The following DSCAM variants were observed in gnomAD, a reference collection of about 807,000 sequenced individuals.
DSCAM encodes the protein cell adhesion molecule DSCAM.
In DSCAM, 47 loss-of-function variants were observed where a neutral mutation model predicts 217.7. The ratio of observed to expected loss-of-function variants is 0.22; its 90% CI spans 0.17 to 0.28. The LOEUF (loss-of-function observed/expected upper bound fraction) is 0.28. Ranked by LOEUF, DSCAM falls within the 10% of genes least tolerant of loss-of-function variation. The pLI, the probability that DSCAM is intolerant of heterozygous loss-of-function variation, is 1.00. For synonymous variants in DSCAM, 1,056 were observed against 1,015.3 expected, an observed-to-expected ratio of 1.04 and a Z score of -0.76; for missense variants, 2,080 against 2,618.3, an observed-to-expected ratio of 0.79 and a Z score of 4.49.
At chr21:40,692,329 C>T (rs1056004273) in intron 3 of DSCAM, among the ~76,000 whole-genome samples, 4 of 152,132 alleles carry the variant, frequency 2.6e-5, no homozygotes, top group Non-Finnish European at 5.9e-5. Context: ...CATTTCATTG[C>T]TACATATATA....
rs570480810 is a variant in DSCAM, at chr21:40,769,990, G to A, written c.44-61219C>T. Among the ~76,000 whole-genome samples the A allele has an allele frequency of 3.9e-5, 6 of 152,086 alleles. No individual in the cohort carries two copies. The South Asian group carries it at 8.3e-4, about 21-fold the overall frequency. ...TTTGGAATTGTGCCCAATCTCTCTC[G>A]CCCACTTCAAAATGCAATTGCAGGG... On this transcript the variant is annotated intron_variant, in intron 1 of 32. Coordinates refer to ENST00000400454, the MANE Select transcript of DSCAM (RefSeq NM_001389.5).
intron 32 of DSCAM, among the ~76,000 whole-genome samples, chr21:40,035,762 G>T (rs1047627654): frequency 3.4e-5 from 5 of 149,246 alleles, no homozygotes; most frequent in African/African-American, 1.3e-4. Flanking sequence ...CACATACTTG[G>T]AAGTAAAGCT....
chr21:40,019,816 G>A (rs1293494916), intron 32 of DSCAM, among the ~76,000 whole-genome samples: 1 of 152,164 alleles, frequency 6.6e-6, no homozygotes, highest in Non-Finnish European at 1.5e-5. Context: ...AGTAAAACCA[G>A]CTATGACAAA....
intron 3 of DSCAM, among the ~76,000 whole-genome samples, chr21:40,652,738 C>T (rs2090031373): frequency 6.6e-6 from 1 of 152,216 alleles, no homozygotes; most frequent in Non-Finnish European, 1.5e-5. Flanking sequence ...AACCTCTAAG[C>T]TGTTGCAATT....
intron 1 of DSCAM, among the ~76,000 whole-genome samples, chr21:40,781,684 A>C (rs2091545544): frequency 6.6e-6 from 1 of 152,122 alleles, no homozygotes; most frequent in Non-Finnish European, 1.5e-5. Context: ...TCACGCTGTG[A>C]GCTAATTAAC....
At chr21:40,577,660 A>AGG (rs920066654) in intron 3 of DSCAM, among the ~76,000 whole-genome samples, 3 of 152,194 alleles carry the variant, frequency 2.0e-5, no homozygotes, top group Non-Finnish European at 4.4e-5. Flanking sequence ...GCCCTGAAGA[A>AGG]GGGGGTAGAT....
At chr21:40,105,829 A>G (rs2089812517) in intron 20 of DSCAM, among the ~76,000 whole-genome samples, 2 of 152,212 alleles carry the variant, frequency 1.3e-5, no homozygotes, top group African/African-American at 4.8e-5. Context: ...AACTGAGAAG[A>G]TTTAGAACCA....
intron 2 of DSCAM, among the ~76,000 whole-genome samples, chr21:40,696,767 TTTTA>T (rs2090600317): frequency 6.6e-6 from 1 of 152,160 alleles, no homozygotes; most frequent in Non-Finnish European, 1.5e-5. Context: ...CTATTTATTT[TTTTA>T]ATCAAATATT....
chr21:40,550,288 G>A (rs1313136328), intron 3 of DSCAM, among the ~76,000 whole-genome samples: 1 of 152,194 alleles, frequency 6.6e-6, no homozygotes, highest in Non-Finnish European at 1.5e-5. Flanking sequence ...ACTTTGGGAG[G>A]CGGAGGTGGG....
intron 3 of DSCAM, among the ~76,000 whole-genome samples, chr21:40,483,952 T>G (rs1364527903): frequency 3.9e-5 from 6 of 152,214 alleles, no homozygotes; most frequent in Non-Finnish European, 5.9e-5. Flanking sequence ...GTATTTTTAA[T>G]TTTTCTGAGA....
At chr21:40,236,352 G>A (rs7282510) in intron 11 of DSCAM, among the ~76,000 whole-genome samples, 72,324 of 151,996 alleles carry the variant, frequency 0.48, 18,021 homozygotes, top group African/African-American at 0.63. Flanking sequence ...CACGCTCACC[G>A]TGTTGTAAGG....
chr21:40,026,174 G>A lies in DSCAM; in HGVS notation c.5687-12788C>T, dbSNP rs1393670995. Among the ~76,000 whole-genome samples the A allele has an allele frequency of 4.2e-5, 6 of 141,656 alleles. 1 individual carries two copies. The highest frequency in any genetic ancestry group is 1.5e-4 in the African/African-American group (6 of 39,680). 92.9% of individuals were successfully genotyped at this position (141,656 alleles called of 152,430 possible). A position where few individuals can be genotyped will look rare whatever the true frequency, so the allele number is the denominator to read the frequency against. ...CAGGTTGTTCAGTTTCCATGTAGTTGAGCGATTTTGAGTGAGATTCTTAAT... is the reference window on the plus strand; with the variant it reads ...CAGGTTGTTCAGTTTCCATGTAGTTAAGCGATTTTGAGTGAGATTCTTAAT... On this transcript the variant is annotated intron_variant, in intron 32 of 32. Coordinates refer to ENST00000400454, the MANE Select transcript of DSCAM (RefSeq NM_001389.5).
At chr21:40,843,368 ATGTGTGTG>A (rs36229663) in intron 1 of DSCAM, among the ~76,000 whole-genome samples, 15,729 of 146,048 alleles carry the variant, frequency 0.11, 1,215 homozygotes, top group East Asian at 0.26. Flanking sequence ...GAATGCATGC[ATGTGTGTG>A]TGTGTGTGTG....
At chr21:40,043,397 G>C (rs994208742) in intron 31 of DSCAM, among the ~76,000 whole-genome samples, 4 of 152,172 alleles carry the variant, frequency 2.6e-5, no homozygotes, top group African/African-American at 9.7e-5. Flanking sequence ...ACATGGCGAT[G>C]ATCCTCCTCT....
chr21:40,421,464 G>T (rs2075423328), intron 3 of DSCAM, among the ~76,000 whole-genome samples: 1 of 152,228 alleles, frequency 6.6e-6, no homozygotes, highest in East Asian at 1.9e-4. Context: ...GCTCCTTTTT[G>T]AAGAATTACA....
chr21:40,254,403 A>G (rs2073344209), intron 11 of DSCAM, among the ~76,000 whole-genome samples: 1 of 152,178 alleles, frequency 6.6e-6, no homozygotes, highest in South Asian at 2.1e-4. Flanking sequence ...AGCAAATTTA[A>G]ACTGATTCAT....
At chr21:40,721,487 A>C (rs975012222) in intron 1 of DSCAM, among the ~76,000 whole-genome samples, 11 of 152,190 alleles carry the variant, frequency 7.2e-5, no homozygotes, top group Admixed American at 3.3e-4. Context: ...CTGCAAATAA[A>C]ACAGTCAAAT....
chr21:40,178,307 C>A (rs538627966), intron 15 of DSCAM, among the ~76,000 whole-genome samples: 29 of 152,218 alleles, frequency 1.9e-4, no homozygotes, highest in African/African-American at 7.0e-4. Flanking sequence ...GTTATCACTG[C>A]CTGTTCCTGG....
chr21:40,613,577 C>A (rs941933613), intron 3 of DSCAM, among the ~76,000 whole-genome samples: 1 of 152,108 alleles, frequency 6.6e-6, no homozygotes, highest in African/African-American at 2.4e-5. Context: ...AAATTAATTG[C>A]CACTGCATTA....
Sources: gnomAD v4.1 joint callset for allele counts (sites outside exome capture counted in the v4.1 genomes callset) on GRCh38, gnomAD v4.1.1 for gene constraint, MANE v1.5 for transcripts, NCBI Gene and HGNC (gene_info 2026-07-23, HGNC 2026-07-21) for gene names.